WWP1: variants seen among roughly 807,000 people sequenced by gnomAD.
WWP1 encodes NEDD4-like E3 ubiquitin-protein ligase WWP1.
A neutral mutation model predicts 130.6 loss-of-function variants in WWP1; 49 were observed. The ratio of observed to expected loss-of-function variants is 0.38; its 90% confidence interval spans 0.30 to 0.48. The LOEUF (loss-of-function observed/expected upper bound fraction) is 0.48, where lower values mean the gene tolerates loss of function less well. Ranked by LOEUF, WWP1 falls within the 20% of genes least tolerant of loss-of-function variation. The pLI, the probability that WWP1 is intolerant of heterozygous loss-of-function variation, is 0.99. For synonymous variants in WWP1, 332 were observed against 367.8 expected, an observed-to-expected ratio of 0.90 and a Z score of 1.11; for missense variants, 809 against 1,100.6, an observed-to-expected ratio of 0.74 and a Z score of 3.75.
At chr8:86,427,599 C>T in intron 10 of WWP1, 44 bp from the exon 11 acceptor site, 6 of 1,482,706 alleles carry the variant, frequency 4.0e-6, no homozygotes, top group South Asian at 3.0e-5. Flanking sequence ...TTTTCATTTT[C>T]TTATATTGAG....
In WWP1 at chr8:86,467,693, ATC is replaced by A. The variant is rs1343737403; in HGVS notation, c.*802_*803del. 5.9e-5 allele frequency: 9 copies of A among 152,274 alleles called. No individual in the cohort carries two copies. In the East Asian group the frequency reaches 1.7e-3, roughly 29 times the overall value. The allele number at this position is 152,274 out of a possible 1,614,324, so 9.4% of individuals were successfully genotyped here. ...AGGCTCTTTTGTACTTTGTTTTTAA[ATC>A]TGTGATGCTTTTCAAATTTAATTCA... On this transcript the variant is annotated 3_prime_UTR_variant, in exon 25 of 25. Transcript: ENST00000517970.
At chr8:86,386,151 G>T (rs562106420) in intron 5 of WWP1, among the ~76,000 whole-genome samples, 51 of 152,242 alleles carry the variant, frequency 3.3e-4, no homozygotes, top group Non-Finnish European at 5.4e-4. Context: ...GCTTTGCTGG[G>T]TCTCCTGTAC....
chr8:86,466,782 G>T lies in WWP1; in HGVS notation c.2670-12G>T. On this transcript the variant is annotated splice_polypyrimidine_tract_variant and intron_variant, in intron 24 of 24. Transcript: ENST00000517970. ...ATTGAAAACATCTGATTTTGTTTTT[G>T]TTTCTGTTCAGTTTTAATCGCTTGG... 4 of 1,520,466 alleles carry T rather than the reference G, an allele frequency of 2.6e-6. No homozygotes were observed. Among genetic ancestry groups the T allele is most frequent in the East Asian group, 2.3e-5 (1 of 43,032 alleles). The allele number at this position is 1,520,466 out of a possible 1,614,324, so 94.2% of individuals were successfully genotyped here. A position where few individuals can be genotyped will look rare whatever the true frequency, so the allele number is the denominator to read the frequency against.
chr8:86,462,800 C>T lies in WWP1; in HGVS notation c.2669+954C>T, dbSNP rs556652724. The stretch of plus-strand genomic sequence containing the variant: ...GCAAAAGCAATGGTTTGTGAACCTG[C>T]TTGTGCCTTAGCACAAATCAAGGCA... On this transcript the variant is annotated intron_variant, in intron 24 of 24. Coordinates refer to ENST00000517970, the MANE Select transcript of WWP1 (RefSeq NM_007013.4). Among the ~76,000 whole-genome samples, 4 of 151,828 alleles carry T rather than the reference C, an allele frequency of 2.6e-5. No individual in the cohort carries two copies. The South Asian group carries it at 8.3e-4, about 31-fold the overall frequency.
intron 1 of WWP1, among the ~76,000 whole-genome samples, chr8:86,359,736 T>C (rs1823459005): frequency 6.6e-6 from 1 of 151,966 alleles, no homozygotes; most frequent in Non-Finnish European, 1.5e-5. Flanking sequence ...TGCCTGTAAA[T>C]AATACTCTCT....
At chr8:86,441,805 T>C (rs1005423319) in intron 17 of WWP1, among the ~76,000 whole-genome samples, 6 of 152,182 alleles carry the variant, frequency 3.9e-5, no homozygotes, top group Non-Finnish European at 7.3e-5. Flanking sequence ...ATCTAGAGAA[T>C]AGAGAAGGAA....
chr8:86,396,346 G>A (rs1463842350), intron 5 of WWP1, among the ~76,000 whole-genome samples: 5 of 152,068 alleles, frequency 3.3e-5, no homozygotes, highest in Non-Finnish European at 5.9e-5. Context: ...TGATCCGCCC[G>A]CCTCGGCCTC....
chr8:86,407,080 A>ATG (rs1049892884), intron 8 of WWP1, among the ~76,000 whole-genome samples: 48 of 152,310 alleles, frequency 3.2e-4, no homozygotes, highest in African/African-American at 1.2e-3. Context: ...GGCTTGGGAG[A>ATG]TGTTCATTCA....
At chr8:86,389,303 G>A (rs60371751) in intron 5 of WWP1, among the ~76,000 whole-genome samples, 8,226 of 152,098 alleles carry the variant, frequency 0.054, 378 homozygotes, top group African/African-American at 0.12. Context: ...AGGACCCTGC[G>A]GCCTTCCGCA....
At chr8:86,441,435 A>AT (rs1810586540) in intron 17 of WWP1, among the ~76,000 whole-genome samples, 1 of 152,244 alleles carries the variant, frequency 6.6e-6, no homozygotes, top group African/African-American at 2.4e-5. Context: ...AAAAACGTTT[A>AT]TTAACAGGCT....
intron 5 of WWP1, among the ~76,000 whole-genome samples, chr8:86,391,698 G>A (rs1052470673): frequency 4.6e-5 from 7 of 151,824 alleles, no homozygotes; most frequent in Middle Eastern, 3.4e-3. Flanking sequence ...TGGGGGTGGG[G>A]GGTTCAATGG....
chr8:86,445,486 G>A (rs372434601), intron 18 of WWP1, among the ~76,000 whole-genome samples: 2 of 152,286 alleles, frequency 1.3e-5, no homozygotes. Flanking sequence ...ATCTGCATCT[G>A]TGTTGTTGCA....
chr8:86,465,118 C>CAAGT (rs1212727878), intron 24 of WWP1, among the ~76,000 whole-genome samples: 9 of 151,990 alleles, frequency 5.9e-5, no homozygotes, highest in Non-Finnish European at 1.3e-4. Context: ...AGAGAATAGG[C>CAAGT]AAGTATTCAT....
intron 8 of WWP1, among the ~76,000 whole-genome samples, chr8:86,409,738 G>A (rs538066973): frequency 6.6e-6 from 1 of 151,914 alleles, no homozygotes; most frequent in South Asian, 2.1e-4. Context: ...GCGGGTGCCT[G>A]TAATCCCGGC....
intron 21 of WWP1, among the ~76,000 whole-genome samples, chr8:86,454,391 G>A (rs73257083): frequency 0.054 from 8,223 of 151,904 alleles, 378 homozygotes; most frequent in African/African-American, 0.12. Context: ...ATGGAAAGCC[G>A]ATATATATGA....
chr8:86,406,692 G>A (rs1228775110), intron 8 of WWP1, among the ~76,000 whole-genome samples: 1 of 151,882 alleles, frequency 6.6e-6, no homozygotes, highest in East Asian at 1.9e-4. Flanking sequence ...ATACAGTTTT[G>A]TCACACATAT....
intron 5 of WWP1, among the ~76,000 whole-genome samples, chr8:86,392,771 C>G (rs1164728179): frequency 7.5e-6 from 1 of 132,708 alleles, no homozygotes; most frequent in East Asian, 2.4e-4. Flanking sequence ...TCAACACAAA[C>G]TCAGATATTT....
At chr8:86,449,612 C>T (rs1221236616) in intron 20 of WWP1, among the ~76,000 whole-genome samples, 3 of 152,314 alleles carry the variant, frequency 2.0e-5, no homozygotes, top group Middle Eastern at 3.4e-3. Flanking sequence ...TTTGCCAGCA[C>T]GTGAACTACA....
intron 11 of WWP1, among the ~76,000 whole-genome samples, chr8:86,430,063 G>A (rs1242479208): frequency 6.6e-6 from 1 of 151,990 alleles, no homozygotes; most frequent in Non-Finnish European, 1.5e-5. Flanking sequence ...GCCGGGTGTG[G>A]TGGCGCATAT....
Sources: gnomAD v4.1 joint callset for allele counts (sites outside exome capture counted in the v4.1 genomes callset) on GRCh38, gnomAD v4.1.1 for gene constraint, MANE v1.5 for transcripts, NCBI Gene and HGNC (gene_info 2026-07-23, HGNC 2026-07-21) for gene names.